TCF12: variants seen among roughly 807,000 people sequenced by gnomAD.
TCF12 encodes DNA-binding protein HTF4.
A neutral mutation model predicts 86.0 loss-of-function variants in TCF12; 45 were observed. The ratio of observed to expected loss-of-function variants is 0.52; its 90% CI spans 0.41 to 0.67. The LOEUF (loss-of-function observed/expected upper bound fraction) is 0.67, where lower values mean the gene tolerates loss of function less well. TCF12 is among the 30% of genes least tolerant of loss of function. The pLI is 0.00. For missense variants in TCF12, 881 were observed against 859.9 expected (o/e 1.02, Z -0.31); for synonymous variants, 330 against 299.6 (o/e 1.10, Z -1.05).
At chr15:56,931,325 C>T (rs766244487) in intron 3 of TCF12, among the ~76,000 whole-genome samples, 2 of 152,006 alleles carry the variant, frequency 1.3e-5, no homozygotes, top group Non-Finnish European at 2.9e-5. Context: ...TCTTTTGGGC[C>T]AAGGAGTGTG....
intron 19 of TCF12, among the ~76,000 whole-genome samples, chr15:57,279,487 G>A (rs2061579217): frequency 6.6e-6 from 1 of 152,172 alleles, no homozygotes; most frequent in Admixed American, 6.5e-5. Flanking sequence ...ATTTGCCGTG[G>A]TCTGTGTCAC....
At chr15:57,248,312 C>T (rs72733957) in intron 13 of TCF12, among the ~76,000 whole-genome samples, 9 of 151,998 alleles carry the variant, frequency 5.9e-5, no homozygotes, top group Admixed American at 2.0e-4. Flanking sequence ...AAGGACAGAC[C>T]CACCTCCCAC....
chr15:56,960,734 G>T (rs1049395016), intron 3 of TCF12, among the ~76,000 whole-genome samples: 5 of 151,940 alleles, frequency 3.3e-5, no homozygotes, highest in African/African-American at 1.2e-4. Context: ...CCGGCCTACT[G>T]TATTGTACTT....
intron 3 of TCF12, among the ~76,000 whole-genome samples, chr15:56,975,159 C>A (rs539298360): frequency 9.2e-5 from 14 of 152,116 alleles, no homozygotes; most frequent in African/African-American, 2.9e-4. Context: ...TTTATAGTAT[C>A]TTTTGTGATT....
At chr15:57,251,277 T>C (rs1305836572) in intron 13 of TCF12, 73 bp from the exon 14 acceptor site, 5 of 1,298,604 alleles carry the variant, frequency 3.9e-6, no homozygotes, top group Non-Finnish European at 5.6e-6. Flanking sequence ...TGAGTATCTT[T>C]ACCCTTTCCT....
chr15:57,285,245 A>G lies in TCF12; in HGVS notation c.*12-912A>G, dbSNP rs566652748. Among the ~76,000 whole-genome samples, 6 of 152,342 alleles carry G rather than the reference A, an allele frequency of 3.9e-5. No individual in the cohort carries two copies. In the East Asian group the frequency reaches 1.2e-3, roughly 29 times the overall value. ...TAATGTAGGCCAAGTAGCTTTGAATATCTTAGTTTTCCGTCCCTAAGAGCA... is the reference window on the plus strand; with the variant it reads ...TAATGTAGGCCAAGTAGCTTTGAATGTCTTAGTTTTCCGTCCCTAAGAGCA... On this transcript the variant is annotated intron_variant, in intron 20 of 20. Coordinates refer to ENST00000333725, the MANE Select transcript of TCF12 (RefSeq NM_207037.2).
chr15:57,043,650 T>C (rs1320826356), intron 3 of TCF12, among the ~76,000 whole-genome samples: 3 of 152,216 alleles, frequency 2.0e-5, no homozygotes, highest in African/African-American at 7.2e-5. Context: ...TTTAAAACAA[T>C]ATTTAAGTCA....
chr15:56,979,093 T>G (rs1213556541), intron 3 of TCF12, among the ~76,000 whole-genome samples: 1 of 152,160 alleles, frequency 6.6e-6, no homozygotes, highest in Non-Finnish European at 1.5e-5. Context: ...ACATTTTGCT[T>G]AGGTCACTCA....
At chr15:57,013,490 T>C (rs2064964106) in intron 3 of TCF12, among the ~76,000 whole-genome samples, 1 of 152,106 alleles carries the variant, frequency 6.6e-6, no homozygotes, top group South Asian at 2.1e-4. Flanking sequence ...CCAGCTGATT[T>C]TTGTATTTTC....
intron 3 of TCF12, among the ~76,000 whole-genome samples, chr15:57,041,522 A>G (rs1039475974): frequency 2.6e-5 from 4 of 152,224 alleles, no homozygotes; most frequent in Non-Finnish European, 5.9e-5. Flanking sequence ...TAATGTGTAT[A>G]TACTGCAGAA....
chr15:57,251,792 G>A (rs1311314755), intron 14 of TCF12, among the ~76,000 whole-genome samples: 2 of 151,980 alleles, frequency 1.3e-5, no homozygotes, highest in Non-Finnish European at 1.5e-5. Flanking sequence ...TTACCCTTTT[G>A]TATTTTACAC....
intron 3 of TCF12, among the ~76,000 whole-genome samples, chr15:57,023,689 T>C (rs1222687182): frequency 6.6e-6 from 1 of 152,150 alleles, no homozygotes; most frequent in Non-Finnish European, 1.5e-5. Flanking sequence ...TAGGTGTAAA[T>C]AAGAAAACAA....
At chr15:57,088,358 A>G (rs958700479) in intron 4 of TCF12, among the ~76,000 whole-genome samples, 2 of 152,174 alleles carry the variant, frequency 1.3e-5, no homozygotes, top group African/African-American at 2.4e-5. Context: ...GGTATTTCAG[A>G]AGAAGTTTAA....
chr15:57,119,498 C>G (rs2051081141), intron 5 of TCF12, among the ~76,000 whole-genome samples: 1 of 146,604 alleles, frequency 6.8e-6, no homozygotes, highest in African/African-American at 2.5e-5. Flanking sequence ...AGATACGATA[C>G]TGTATGCTAT....
intron 5 of TCF12, among the ~76,000 whole-genome samples, chr15:57,160,338 C>T (rs1372230218): frequency 6.6e-6 from 1 of 152,080 alleles, no homozygotes; most frequent in African/African-American, 2.4e-5. Context: ...GGGAAAAGTC[C>T]CTTATAAAAC....
intron 3 of TCF12, among the ~76,000 whole-genome samples, chr15:56,959,786 A>C (rs1252791078): frequency 6.6e-6 from 1 of 152,210 alleles, no homozygotes; most frequent in African/African-American, 2.4e-5. Flanking sequence ...TACAAATAAA[A>C]ATAATAAAAT....
chr15:57,055,178 A>C (rs2067916662), intron 3 of TCF12, among the ~76,000 whole-genome samples: 2 of 152,182 alleles, frequency 1.3e-5, no homozygotes, highest in Non-Finnish European at 2.9e-5. Context: ...AAGCAGGCGA[A>C]TCAAGCCGGG....
chr15:57,122,090 T>C (rs2051275982), intron 5 of TCF12, among the ~76,000 whole-genome samples: 1 of 141,342 alleles, frequency 7.1e-6, no homozygotes, highest in African/African-American at 2.8e-5. Flanking sequence ...TCTCCTTGTT[T>C]CCTTGTACAA....
chr15:56,942,070 T>C (rs2060803617), intron 3 of TCF12, among the ~76,000 whole-genome samples: 1 of 152,208 alleles, frequency 6.6e-6, no homozygotes, highest in African/African-American at 2.4e-5. Context: ...CTTTTATTGA[T>C]TGTAAAACTT....
Sources: allele counts gnomAD v4.1 joint callset (sites outside exome capture counted in the v4.1 genomes callset), GRCh38; gene constraint gnomAD v4.1.1; transcripts MANE v1.5; gene names NCBI Gene and HGNC (gene_info 2026-07-23, HGNC 2026-07-21).